Variants in LAPTM5 observed in about 807,000 individuals in gnomAD.
The protein encoded by LAPTM5 is lysosomal protein transmembrane 5.
Under a neutral mutation model 30.1 loss-of-function variants are expected in LAPTM5, and 11 were observed. The ratio of observed to expected loss-of-function variants is 0.37; its 90% CI spans 0.23 to 0.60. LAPTM5 has a LOEUF of 0.60. LAPTM5 is among the 20% of genes least tolerant of loss of function. The pLI is 0.71. For synonymous variants in LAPTM5, 151 were observed against 137.9 expected (o/e 1.10, Z -0.67); for missense variants, 324 against 332.5 (o/e 0.97, Z 0.20).
Position 30,739,096 on chromosome 1 carries a change from G to T in LAPTM5, c.388-34C>A. The T allele has an allele frequency of 6.4e-7, 1 of 1,560,994 alleles. No homozygotes were observed. Among genetic ancestry groups the T allele is most frequent in the South Asian group, 1.2e-5 (1 of 84,846 alleles). ...GACAAATACAAGGAGGAGGAATGAG[G>T]AGCAGCAATTAAAGTCCCAGTTACT... On this transcript the variant is annotated intron_variant, in intron 4 of 7. Coordinates refer to ENST00000294507, the MANE Select transcript of LAPTM5 (RefSeq NM_006762.3). This position sits in a 1 kb window ranked among gnomAD's most constrained non-coding sequence, Gnocchi z 4.2.
rs768836998 is a variant in LAPTM5 at position 30,735,248 on chromosome 1, G to A, written c.624C>T (p.Cys208=). 16 of 1,613,716 alleles carry A rather than the reference G, an allele frequency of 9.9e-6. No homozygotes were observed. Among genetic ancestry groups the A allele is most frequent in the South Asian group, 3.3e-5 (3 of 91,070 alleles). The change falls in exon 7 of 8, where the codon TGC becomes TGT. Residue 208 remains cysteine, a synonymous_variant. Transcript: ENST00000294507. The stretch of plus-strand genomic sequence containing the variant: ...TGATCAATCTGTAGCACCGCCACAC[G>A]CACTTGAACATGTAGACCTGGAAAA... ...VLIFKVYMFK[C]VWRCYRLIKC... is the part of the protein sequence containing the mutation.
At chr1:30,738,796 C>G in intron 5 of LAPTM5, 144 bp downstream of exon 5, 1 of 920,418 alleles carries the variant, frequency 1.1e-6, no homozygotes, top group Non-Finnish European at 1.6e-6. Flanking sequence ...AGGGCTCCCT[C>G]AATAAATCAC....
In LAPTM5 at chr1:30,739,723, CACAGGGCCCGTG is replaced by C; in HGVS notation, c.387+74_387+85del. ...GGGCTCCTACCCTCCCCAGCCTGAG[CACAGGGCCCGTG>C]TCTGGTCCCCTCCCATCTCCCATGC... is the stretch of plus-strand genomic sequence containing the variant. On this transcript the variant is annotated intron_variant, in intron 4 of 7. Transcript: ENST00000294507. This position sits in a 1 kb window ranked among gnomAD's most constrained non-coding sequence, Gnocchi z 4.2. 6.9e-7 allele frequency: 1 copy of C among 1,443,104 alleles called. No homozygotes were observed. Among genetic ancestry groups the C allele is most frequent in the Non-Finnish European group, 9.2e-7 (1 of 1,086,074 alleles). The allele number at this position is 1,443,104 out of a possible 1,614,324, so 89.4% of individuals were successfully genotyped here.
rs909894116 is a variant in LAPTM5, at chr1:30,739,550, A to G, written c.387+259T>C. ...CAGCAGCACTGACTGAGTGCTGACC[A>G]TGGGCTGCACCCCCAATGTGTGTGT... is the stretch of plus-strand genomic sequence containing the variant. On this transcript the variant is annotated intron_variant, in intron 4 of 7. Coordinates refer to ENST00000294507, the MANE Select transcript of LAPTM5 (RefSeq NM_006762.3). The surrounding 1 kb of genome is among the most constrained non-coding windows in gnomAD (Gnocchi z 4.2). 6.6e-6 allele frequency among the ~76,000 whole-genome samples: 1 copy of G among 152,212 alleles called. No individual in the cohort carries two copies. The highest frequency in any genetic ancestry group is 2.4e-5 in the African/African-American group (1 of 41,444).
Position 30,739,169 on chromosome 1 carries a change from A to T in LAPTM5, c.388-107T>A. On this transcript the variant is annotated intron_variant, in intron 4 of 7. Transcript: ENST00000294507. The surrounding 1 kb of genome is among the most constrained non-coding windows in gnomAD (Gnocchi z 4.2). ...ACTTGAGAGACCGTCTCAGCTACAG[A>T]CATCAGTGACTCTCGTCCCCTGTGC... 2 of 1,371,724 alleles carry T rather than the reference A, an allele frequency of 1.5e-6. No individual in the cohort carries two copies. The highest frequency in any genetic ancestry group is 2.0e-6 in the Non-Finnish European group (2 of 1,007,218). 85.0% of individuals were successfully genotyped at this position (1,371,724 alleles called of 1,614,324 possible).
chr1:30,745,735 C>T (rs1000112754), intron 1 of LAPTM5, among the ~76,000 whole-genome samples: 2 of 152,224 alleles, frequency 1.3e-5, no homozygotes, highest in Admixed American at 6.5e-5. Context: ...GGAAGCTCGG[C>T]TCTCCAGGCA....
chr1:30,750,774 T>C (rs766797272), intron 1 of LAPTM5, among the ~76,000 whole-genome samples: 16 of 152,176 alleles, frequency 1.1e-4, no homozygotes, highest in Non-Finnish European at 1.6e-4. Flanking sequence ...TCCTCATCTG[T>C]AAAATGGAGG....
At position 30,733,928 on chromosome 1, in the gene LAPTM5, C is replaced by G; in HGVS notation, c.700-11G>C. 1 of 1,610,190 alleles carries G rather than the reference C, an allele frequency of 6.2e-7. No homozygotes were observed. The highest frequency in any genetic ancestry group is 8.5e-7 in the Non-Finnish European group (1 of 1,179,054). On this transcript the variant is annotated splice_polypyrimidine_tract_variant and intron_variant, in intron 7 of 7. Transcript: ENST00000294507. Reference sequence around the variant, plus strand: ...GGACGGCAGGACCACCTGGGAGAGACAGAGAGATGAGGGCTGAGTATGGTC... The same window carrying G: ...GGACGGCAGGACCACCTGGGAGAGAGAGAGAGATGAGGGCTGAGTATGGTC...
intron 1 of LAPTM5, among the ~76,000 whole-genome samples, chr1:30,745,299 G>A (rs919090464): frequency 1.3e-5 from 2 of 152,184 alleles, no homozygotes; most frequent in Non-Finnish European, 2.9e-5. Context: ...GCAGGGCTAG[G>A]GTTCAAATCT....
intron 1 of LAPTM5, among the ~76,000 whole-genome samples, chr1:30,750,436 A>C (rs995338772): frequency 1.3e-5 from 2 of 152,292 alleles, no homozygotes; most frequent in East Asian, 3.9e-4. Context: ...GAGTATTTTC[A>C]ATCTGCAATC....
At chr1:30,750,048 C>T (rs911051876) in intron 1 of LAPTM5, among the ~76,000 whole-genome samples, 2 of 152,168 alleles carry the variant, frequency 1.3e-5, no homozygotes, top group African/African-American at 4.8e-5. Context: ...TCACCTGCAG[C>T]ACAGGAAGTG....
chr1:30,742,855 G>A (rs892120772), intron 1 of LAPTM5, among the ~76,000 whole-genome samples: 1 of 152,194 alleles, frequency 6.6e-6, no homozygotes, highest in Non-Finnish European at 1.5e-5. Flanking sequence ...AGGCTACTGT[G>A]AGGAGTAAAT....
intron 1 of LAPTM5, among the ~76,000 whole-genome samples, chr1:30,752,423 C>T (rs1346367709): frequency 6.6e-6 from 1 of 152,218 alleles, no homozygotes; most frequent in Non-Finnish European, 1.5e-5. Flanking sequence ...CTCGTGGCCA[C>T]CCCTCCTAAC....
At chr1:30,747,731 G>T (rs1453052363) in intron 1 of LAPTM5, among the ~76,000 whole-genome samples, 4 of 152,188 alleles carry the variant, frequency 2.6e-5, no homozygotes, top group Admixed American at 6.5e-5. Flanking sequence ...GGACAATGGG[G>T]TCAGTATTGA....
rs180697235 is a variant in LAPTM5 at position 30,750,464 on chromosome 1, G to A, written c.87+7195C>T. Reference sequence around the variant, plus strand: ...CTGCAATCCACGATGTGGAACCTGCGGATAGGGAGGGCCGACTGACCATAC... The same window carrying A: ...CTGCAATCCACGATGTGGAACCTGCAGATAGGGAGGGCCGACTGACCATAC... On this transcript the variant is annotated intron_variant, in intron 1 of 7. Coordinates refer to ENST00000294507, the MANE Select transcript of LAPTM5 (RefSeq NM_006762.3). Among the ~76,000 whole-genome samples the A allele has an allele frequency of 4.2e-4, 64 of 152,316 alleles. No homozygotes were observed. The East Asian group carries it at 8.3e-3, about 20-fold the overall frequency.
At chr1:30,749,741 T>C (rs113677939) in intron 1 of LAPTM5, among the ~76,000 whole-genome samples, 30 of 152,144 alleles carry the variant, frequency 2.0e-4, no homozygotes, top group African/African-American at 6.7e-4. Context: ...ATGGAAAAAG[T>C]GTTCCAGGCA....
rs778724561 is a variant in LAPTM5, at chr1:30,757,689, G to A, written c.57C>T (p.Ile19=). The A allele has an allele frequency of 1.1e-5, 18 of 1,613,730 alleles. No homozygotes were observed. Among genetic ancestry groups the A allele is most frequent in the Middle Eastern group, 1.6e-4 (1 of 6,084 alleles). Residue 19 remains isoleucine (I), a synonymous_variant, in exon 1 of 8, where the codon ATC becomes ATT. Transcript: ENST00000294507. ...GGTAGATGGCCAGGGCGGTGGTTGC[G>A]ATGCGGACATTGAAGCAGCAGCAGG... ...RQTCCCFNVR[I]ATTALAIYHV... is the part of the protein sequence containing the mutation.
chr1:30,739,110 G>C lies in LAPTM5; in HGVS notation c.388-48C>G. 1 of 1,551,994 alleles carries C rather than the reference G, an allele frequency of 6.4e-7. No individual in the cohort carries two copies. The highest frequency in any genetic ancestry group is 1.4e-5 in the African/African-American group (1 of 73,512). On this transcript the variant is annotated intron_variant, in intron 4 of 7. Coordinates refer to ENST00000294507, the MANE Select transcript of LAPTM5 (RefSeq NM_006762.3). The surrounding 1 kb of genome is among the most constrained non-coding windows in gnomAD (Gnocchi z 4.2). The stretch of plus-strand genomic sequence containing the variant: ...GGAGGAATGAGGAGCAGCAATTAAA[G>C]TCCCAGTTACTGAGCGGCACATAGT...
At chr1:30,749,926 G>A (rs1253422619) in intron 1 of LAPTM5, among the ~76,000 whole-genome samples, 2 of 152,154 alleles carry the variant, frequency 1.3e-5, no homozygotes, top group African/African-American at 4.8e-5. Flanking sequence ...TGGCAGGGGT[G>A]GGGCCTCTGG....
Sources: gnomAD v4.1 joint callset for allele counts (sites outside exome capture counted in the v4.1 genomes callset) on GRCh38, gnomAD v4.1.1 for gene constraint, Gnocchi (gnomAD v3.1) non-coding constraint, MANE v1.5 for transcripts, NCBI Gene and HGNC (gene_info 2026-07-23, HGNC 2026-07-21) for gene names.